The following PTPRD variants were observed in gnomAD, a reference collection of about 807,000 sequenced individuals.
PTPRD encodes the protein protein tyrosine phosphatase receptor type D.
Under a neutral mutation model 214.5 loss-of-function variants are expected in PTPRD, and 34 were observed. The ratio of observed to expected loss-of-function variants is 0.16; its 90% confidence interval spans 0.12 to 0.21. The LOEUF is 0.21. PTPRD is among the 10% of genes least tolerant of loss of function. The pLI, the probability that PTPRD is intolerant of heterozygous loss-of-function variation, is 1.00. For synonymous variants in PTPRD, 1,128 were observed against 845.7 expected, an observed-to-expected ratio of 1.33 and a Z score of -5.79; for missense variants, 2,545 against 2,398.7, an observed-to-expected ratio of 1.06 and a Z score of -1.27.
intron 39 of PTPRD, among the ~76,000 whole-genome samples, chr9:8,371,365 T>C (rs1209172744): frequency 6.6e-6 from 1 of 152,092 alleles, no homozygotes; most frequent in African/African-American, 2.4e-5. Flanking sequence ...GAGTGCTTAC[T>C]AAGGTGTAAG....
chr9:9,704,119 T>G (rs1564643990), intron 7 of PTPRD, among the ~76,000 whole-genome samples: 1 of 152,190 alleles, frequency 6.6e-6, no homozygotes, highest in Non-Finnish European at 1.5e-5. Context: ...TTTTTAAAAT[T>G]TATATGTTAA....
At chr9:9,451,537 A>G (rs905568917) in intron 8 of PTPRD, among the ~76,000 whole-genome samples, 1 of 151,748 alleles carries the variant, frequency 6.6e-6, no homozygotes, top group Non-Finnish European at 1.5e-5. Flanking sequence ...TTTACCCAGT[A>G]AAATGTTTCC....
At chr9:9,279,905 A>G (rs1234982384) in intron 9 of PTPRD, among the ~76,000 whole-genome samples, 1 of 151,364 alleles carries the variant, frequency 6.6e-6, no homozygotes, top group African/African-American at 2.4e-5. Flanking sequence ...TTTAAAATGT[A>G]TAGAATATAT....
intron 11 of PTPRD, among the ~76,000 whole-genome samples, chr9:8,837,785 A>C (rs2097465827): frequency 6.6e-6 from 1 of 152,170 alleles, no homozygotes; most frequent in African/African-American, 2.4e-5. Flanking sequence ...TACAAGTGTG[A>C]GCCACCGCAG....
intron 14 of PTPRD, among the ~76,000 whole-genome samples, chr9:8,557,958 C>A (rs1263220334): frequency 6.6e-6 from 1 of 151,832 alleles, no homozygotes; most frequent in African/African-American, 2.4e-5. Context: ...CTCCTTTAAG[C>A]CACCACTATA....
At chr9:9,864,231 GGGA>G (rs1290196147) in intron 5 of PTPRD, among the ~76,000 whole-genome samples, 4 of 152,042 alleles carry the variant, frequency 2.6e-5, no homozygotes, top group African/African-American at 9.7e-5. Flanking sequence ...GCTTGAACCC[GGGA>G]GGCGGAGGTT....
intron 3 of PTPRD, among the ~76,000 whole-genome samples, chr9:10,239,447 A>G (rs1033534585): frequency 6.6e-5 from 10 of 151,992 alleles, no homozygotes; most frequent in Admixed American, 1.3e-4. Context: ...TAACTATTTC[A>G]TTGTAAATTA....
intron 9 of PTPRD, among the ~76,000 whole-genome samples, chr9:9,249,555 G>A (rs1350642776): frequency 1.3e-5 from 2 of 151,838 alleles, no homozygotes; most frequent in Non-Finnish European, 1.5e-5. Context: ...CTCCATTTTT[G>A]TCTATGTCTC....
chr9:9,836,731 C>G (rs898455982), intron 5 of PTPRD, among the ~76,000 whole-genome samples: 3 of 152,094 alleles, frequency 2.0e-5, no homozygotes, highest in East Asian at 1.9e-4. Flanking sequence ...TGAATTTGAG[C>G]AAGTTATATA....
At chr9:8,760,627 T>TGG (rs2094353913) in intron 11 of PTPRD, among the ~76,000 whole-genome samples, 1 of 151,140 alleles carries the variant, frequency 6.6e-6, no homozygotes, top group Admixed American at 6.6e-5. Flanking sequence ...TGTGTGTGTG[T>TGG]GGCGGTGGGG....
chr9:10,175,184 T>C (rs1159974608), intron 3 of PTPRD, among the ~76,000 whole-genome samples: 2 of 152,064 alleles, frequency 1.3e-5, no homozygotes, highest in Admixed American at 1.3e-4. Context: ...GCAATAGTAC[T>C]GCTACTTACT....
intron 14 of PTPRD, among the ~76,000 whole-genome samples, chr9:8,553,772 A>G (rs2082834833): frequency 6.6e-6 from 1 of 152,178 alleles, no homozygotes. Flanking sequence ...ATATAACCCT[A>G]TTTTAATAAG....
chr9:9,926,766 A>C (rs1356404658), intron 5 of PTPRD, among the ~76,000 whole-genome samples: 1 of 152,174 alleles, frequency 6.6e-6, no homozygotes, highest in Non-Finnish European at 1.5e-5. Flanking sequence ...TGTTTTGAGA[A>C]ATCAAAGGTA....
At chr9:10,191,364 T>A (rs67075379) in intron 3 of PTPRD, among the ~76,000 whole-genome samples, 23,363 of 152,040 alleles carry the variant, frequency 0.15, 2,184 homozygotes, top group East Asian at 0.47. Flanking sequence ...GACATTGCTT[T>A]AAGTATTAAT....
intron 3 of PTPRD, among the ~76,000 whole-genome samples, chr9:10,218,112 T>A (rs1594534230): frequency 2.0e-5 from 3 of 151,868 alleles, no homozygotes; most frequent in Non-Finnish European, 4.4e-5. Context: ...TTTTTATTAG[T>A]AAAGAAGAAA....
chr9:10,589,331 C>T (rs190407774), intron 2 of PTPRD, among the ~76,000 whole-genome samples: 4 of 152,060 alleles, frequency 2.6e-5, no homozygotes, highest in Non-Finnish European at 5.9e-5. Flanking sequence ...GACCCAATAA[C>T]AAAGTTTTAG....
chr9:9,193,676 A>C (rs1462224465), intron 9 of PTPRD, among the ~76,000 whole-genome samples: 7 of 152,128 alleles, frequency 4.6e-5, no homozygotes, highest in Non-Finnish European at 8.8e-5. Context: ...GTACAGTAAA[A>C]TATCATCTAA....
At chr9:9,468,076 T>A (rs1189652774) in intron 8 of PTPRD, among the ~76,000 whole-genome samples, 1 of 152,124 alleles carries the variant, frequency 6.6e-6, no homozygotes, top group East Asian at 1.9e-4. Context: ...GAAATTTACT[T>A]CTTAGGATTT....
At chr9:8,997,240 T>A (rs1380985020) in intron 11 of PTPRD, among the ~76,000 whole-genome samples, 1 of 152,168 alleles carries the variant, frequency 6.6e-6, no homozygotes, top group Non-Finnish European at 1.5e-5. Flanking sequence ...ATTATGGTGC[T>A]TTGTTTTTTC....
Sources: gnomAD v4.1 joint callset for allele counts (sites outside exome capture counted in the v4.1 genomes callset) on GRCh38, gnomAD v4.1.1 for gene constraint, MANE v1.5 for transcripts, NCBI Gene and HGNC (gene_info 2026-07-23, HGNC 2026-07-21) for gene names.